The following FAM135B variants were observed in gnomAD, a reference collection of about 807,000 sequenced individuals.
FAM135B encodes protein FAM135B.
A neutral mutation model predicts 127.7 loss-of-function variants in FAM135B; 43 were observed. The observed-to-expected ratio is 0.34, with a 90% confidence interval of 0.26 to 0.43. FAM135B has a LOEUF of 0.43. FAM135B is among the 20% of genes least tolerant of loss of function. The probability of loss-of-function intolerance (pLI) is 1.00; values close to 1 mark genes in which losing one functional copy is unlikely to be tolerated. For missense variants in FAM135B, 1,558 were observed against 1,725.6 expected, an observed-to-expected ratio of 0.90 and a Z score of 1.72; for synonymous variants, 670 against 665.1, an observed-to-expected ratio of 1.01 and a Z score of -0.11.
intron 1 of FAM135B, among the ~76,000 whole-genome samples, chr8:138,435,036 G>A (rs1460461085): frequency 2.0e-5 from 3 of 152,158 alleles, no homozygotes; most frequent in East Asian, 1.9e-4. Context: ...AGCCAGGCGC[G>A]GTGGCTCGCG....
intron 15 of FAM135B, among the ~76,000 whole-genome samples, chr8:138,144,115 C>G (rs953334675): frequency 3.3e-5 from 5 of 152,174 alleles, no homozygotes; most frequent in African/African-American, 1.2e-4. Flanking sequence ...CTCCTTAGTG[C>G]CATGTTAAAA....
intron 3 of FAM135B, among the ~76,000 whole-genome samples, chr8:138,290,810 G>A (rs1825055965): frequency 6.6e-6 from 1 of 152,132 alleles, no homozygotes; most frequent in Admixed American, 6.5e-5. Context: ...GCAGGTGTTC[G>A]CATGAGATGA....
chr8:138,369,396 G>A (rs538852017), intron 1 of FAM135B, among the ~76,000 whole-genome samples: 5 of 152,284 alleles, frequency 3.3e-5, no homozygotes, highest in African/African-American at 1.2e-4. Context: ...AGTTAACAGG[G>A]TCAGGCTAGG....
intron 1 of FAM135B, among the ~76,000 whole-genome samples, chr8:138,412,566 G>A (rs1303620561): frequency 6.6e-6 from 1 of 152,118 alleles, no homozygotes; most frequent in Non-Finnish European, 1.5e-5. Flanking sequence ...CTTCATGCAG[G>A]TGGAATCTGG....
At chr8:138,229,327 T>A (rs1266162110) in intron 7 of FAM135B, among the ~76,000 whole-genome samples, 1 of 152,056 alleles carries the variant, frequency 6.6e-6, no homozygotes, top group South Asian at 2.1e-4. Context: ...ATCTGACCCA[T>A]CTCCCATTAA....
intron 7 of FAM135B, among the ~76,000 whole-genome samples, chr8:138,221,102 T>C (rs543821637): frequency 6.6e-6 from 1 of 152,326 alleles, no homozygotes; most frequent in East Asian, 1.9e-4. Context: ...ATTAGTCTTT[T>C]CTTGCATTGC....
At chr8:138,415,308 G>T (rs1587395299) in intron 1 of FAM135B, among the ~76,000 whole-genome samples, 1 of 152,128 alleles carries the variant, frequency 6.6e-6, no homozygotes, top group East Asian at 1.9e-4. Context: ...TGAGTAAAGG[G>T]ACTCACACAG....
At chr8:138,193,681 C>G (rs1816347423) in intron 9 of FAM135B, among the ~76,000 whole-genome samples, 1 of 152,204 alleles carries the variant, frequency 6.6e-6, no homozygotes, top group Non-Finnish European at 1.5e-5. Flanking sequence ...GAGCCTGAGG[C>G]AGCCCGAGCC....
chr8:138,180,838 T>C (rs572158940), intron 9 of FAM135B, among the ~76,000 whole-genome samples: 16 of 152,278 alleles, frequency 1.1e-4, no homozygotes, highest in African/African-American at 3.6e-4. Flanking sequence ...TCGCCTGCAT[T>C]TTCTTCTGAT....
intron 2 of FAM135B, among the ~76,000 whole-genome samples, chr8:138,340,309 A>G (rs1383460867): frequency 6.6e-6 from 1 of 152,142 alleles, no homozygotes. Flanking sequence ...AAAGAAATAG[A>G]ACAGGAAACG....
At chr8:138,365,579 G>A (rs1830685424) in intron 2 of FAM135B, among the ~76,000 whole-genome samples, 2 of 152,144 alleles carry the variant, frequency 1.3e-5, no homozygotes, top group Admixed American at 6.5e-5. Flanking sequence ...AATTTTTACT[G>A]TGTGTATCAA....
At chr8:138,496,287 G>T (rs1815388665) in intron 1 of FAM135B, among the ~76,000 whole-genome samples, 1 of 152,110 alleles carries the variant, frequency 6.6e-6, no homozygotes. Context: ...ACAGGGAATC[G>T]CTGCCACTGT....
chr8:138,358,524 G>A (rs1199904279), intron 2 of FAM135B: 1 of 152,104 alleles, frequency 6.6e-6, no homozygotes, highest in Non-Finnish European at 1.5e-5. Flanking sequence ...TTTACTAGGT[G>A]CTTTACAAAT....
chr8:138,473,834 G>A (rs1405237415), intron 1 of FAM135B, among the ~76,000 whole-genome samples: 1 of 149,346 alleles, frequency 6.7e-6, no homozygotes, highest in South Asian at 2.1e-4. Context: ...GAGAGACAGA[G>A]AGAGAGAGAG....
intron 3 of FAM135B, among the ~76,000 whole-genome samples, chr8:138,291,046 T>A (rs1438145342): frequency 6.6e-6 from 1 of 152,188 alleles, no homozygotes; most frequent in Non-Finnish European, 1.5e-5. Flanking sequence ...TGCATCTCCA[T>A]ACCCTGGCGT....
At chr8:138,397,231 C>G (rs942944441) in intron 1 of FAM135B, among the ~76,000 whole-genome samples, 1 of 152,176 alleles carries the variant, frequency 6.6e-6, no homozygotes, top group Non-Finnish European at 1.5e-5. Flanking sequence ...GGGCACAAAA[C>G]CACCCACAAC....
chr8:138,169,934 C>T (rs866537262), intron 11 of FAM135B, among the ~76,000 whole-genome samples: 19 of 152,142 alleles, frequency 1.2e-4, no homozygotes, highest in Admixed American at 6.5e-5. Context: ...TAAAGCAATG[C>T]CTAGCAAGTG....
chr8:138,461,537 C>T (rs2131617988), intron 1 of FAM135B, among the ~76,000 whole-genome samples: 1 of 152,262 alleles, frequency 6.6e-6, no homozygotes, highest in African/African-American at 2.4e-5. Flanking sequence ...GTTTTCAAGT[C>T]CATGTCAAGG....
chr8:138,320,588 A>G (rs2130941429), intron 2 of FAM135B, among the ~76,000 whole-genome samples: 1 of 152,320 alleles, frequency 6.6e-6, no homozygotes. Context: ...CTTCTTTTGT[A>G]TTCCTTAGAG....
Sources: gnomAD v4.1 joint callset for allele counts (sites outside exome capture counted in the v4.1 genomes callset) on GRCh38, gnomAD v4.1.1 for gene constraint, MANE v1.5 for transcripts, NCBI Gene and HGNC (gene_info 2026-07-23, HGNC 2026-07-21) for gene names.